Variants in C1orf87 observed in about 807,000 individuals in gnomAD.
C1orf87 encodes the protein uncharacterized protein C1orf87.
Under a neutral mutation model 60.5 loss-of-function variants are expected in C1orf87, and 58 were observed. That is an observed-to-expected ratio of 0.96 (90% CI 0.78 to 1.19). The LOEUF (loss-of-function observed/expected upper bound fraction) is 1.19, where lower values mean the gene tolerates loss of function less well. Ranked by LOEUF, C1orf87 falls within the 50% of genes most tolerant of loss-of-function variation. The pLI is 0.00. For missense variants in C1orf87, 673 were observed against 638.6 expected (o/e 1.05, Z -0.58); for synonymous variants, 236 against 227.4 (o/e 1.04, Z -0.34).
At chr1:60,024,895 C>G (rs1645188320) in intron 8 of C1orf87, among the ~76,000 whole-genome samples, 1 of 152,174 alleles carries the variant, frequency 6.6e-6, no homozygotes. Flanking sequence ...TGGAAGTTTC[C>G]TGCTTTGTTT....
intron 3 of C1orf87, among the ~76,000 whole-genome samples, chr1:60,047,230 GT>G (rs199759307): frequency 1.3e-5 from 2 of 151,596 alleles, no homozygotes; most frequent in African/African-American, 2.4e-5. Flanking sequence ...TTTATTTACT[GT>G]TTTTTTTCAA....
At chr1:60,061,981 C>T (rs1645500552) in intron 2 of C1orf87, among the ~76,000 whole-genome samples, 1 of 151,968 alleles carries the variant, frequency 6.6e-6, no homozygotes, top group African/African-American at 2.4e-5. Context: ...TCTTATGATT[C>T]TAGGTGGTTT....
chr1:60,034,322 T>G (rs137983805), intron 6 of C1orf87, among the ~76,000 whole-genome samples: 81 of 152,366 alleles, frequency 5.3e-4, no homozygotes, highest in Admixed American at 1.0e-3. Flanking sequence ...ACTGATTTTA[T>G]GAAACTGGTT....
chr1:60,036,403 C>T (rs603566), intron 6 of C1orf87, among the ~76,000 whole-genome samples: 58,075 of 152,056 alleles, frequency 0.38, 11,470 homozygotes, highest in South Asian at 0.51. Context: ...AAACACTTAA[C>T]TCTAATGCCA....
At chr1:60,042,055 TCTTC>T in intron 3 of C1orf87, among the ~76,000 whole-genome samples, 1 of 152,130 alleles carries the variant, frequency 6.6e-6, no homozygotes, top group Non-Finnish European at 1.5e-5. Context: ...TGCTCCTCCT[TCTTC>T]CTTCTTGAGG....
chr1:60,001,225 A>T (rs1574293894), intron 9 of C1orf87, 69 bp from the exon 10 acceptor site: 1 of 1,073,960 alleles, frequency 9.3e-7, no homozygotes, highest in East Asian at 2.8e-5. Context: ...ACACATATAC[A>T]CAAGGCAACA....
chr1:60,011,178 G>A (rs1336468922), intron 8 of C1orf87, among the ~76,000 whole-genome samples: 2 of 152,066 alleles, frequency 1.3e-5, no homozygotes, highest in Non-Finnish European at 2.9e-5. Context: ...GTCTGCAAGA[G>A]ACAACCAGGT....
intron 11 of C1orf87, among the ~76,000 whole-genome samples, chr1:59,994,052 C>A (rs1644946426): frequency 1.3e-5 from 2 of 152,250 alleles, no homozygotes; most frequent in South Asian, 2.1e-4. Flanking sequence ...AGCCACTGCA[C>A]CCCACCATAA....
intron 5 of C1orf87, 101 bp from the exon 6 acceptor site, chr1:60,038,208 A>G (rs1645292117): frequency 3.6e-6 from 2 of 549,766 alleles, no homozygotes; most frequent in Non-Finnish European, 6.2e-6. Flanking sequence ...ACCATCAAAC[A>G]TTTAAAAAAA....
At chr1:60,015,085 T>C (rs937010788) in intron 8 of C1orf87, among the ~76,000 whole-genome samples, 4 of 152,310 alleles carry the variant, frequency 2.6e-5, no homozygotes, top group African/African-American at 7.2e-5. Context: ...ATTAGTTTGC[T>C]GGGGCTGTGT....
At chr1:60,053,079 G>A (rs1574323640) in intron 3 of C1orf87, among the ~76,000 whole-genome samples, 2 of 152,352 alleles carry the variant, frequency 1.3e-5, no homozygotes, top group Admixed American at 1.3e-4. Flanking sequence ...GTTAAGAACA[G>A]CTTACCTAAT....
chr1:60,000,643 G>A lies in C1orf87; in HGVS notation c.1272+434C>T, dbSNP rs973778612. 2.0e-5 allele frequency among the ~76,000 whole-genome samples: 3 copies of A among 151,934 alleles called. No homozygotes were observed. In the East Asian group the frequency reaches 5.8e-4, roughly 29 times the overall value. ...TTTCTTTCTTTCTTCTTTTTAATCA[G>A]AGAGGCTATTACATTTTAAAATGTG... On this transcript the variant is annotated intron_variant, in intron 10 of 11. Coordinates refer to ENST00000371201, the MANE Select transcript of C1orf87 (RefSeq NM_152377.3).
chr1:60,007,898 T>TAGGAA (rs1458648935), intron 9 of C1orf87, among the ~76,000 whole-genome samples: 56 of 152,012 alleles, frequency 3.7e-4, no homozygotes, highest in African/African-American at 1.2e-3. Flanking sequence ...AGAGAGGTCC[T>TAGGAA]AGGAAAGAGA....
At position 60,001,119 on chromosome 1, in the gene C1orf87, C is replaced by T; in HGVS notation, c.1230G>A (p.Glu410=). The change falls in exon 10 of 12, where the codon GAG becomes GAA. Residue 410 remains glutamate (E), a synonymous_variant. Transcript: ENST00000371201. ...NEKKAPAPPM[E]PEVPEMSQSK... ...TTTGAGACATCTCGGGGACTTCAGGCTCCATTGGAGGGGCAGGGGCTTTCT... is the reference window on the plus strand; with the variant it reads ...TTTGAGACATCTCGGGGACTTCAGGTTCCATTGGAGGGGCAGGGGCTTTCT... The T allele has an allele frequency of 6.2e-7, 1 of 1,605,186 alleles. No homozygotes were observed. The highest frequency in any genetic ancestry group is 8.5e-7 in the Non-Finnish European group (1 of 1,175,908).
chr1:60,033,676 G>A lies in C1orf87; in HGVS notation c.864-35C>T, dbSNP rs781778718. On this transcript the variant is annotated intron_variant, in intron 6 of 11. Coordinates refer to ENST00000371201, the MANE Select transcript of C1orf87 (RefSeq NM_152377.3). ...GGGGAAATGGGGAAGGCTATGAAAA[G>A]GTTATCCACCCAAGGCAGCTGCATG... 12 of 1,598,202 alleles carry A rather than the reference G, an allele frequency of 7.5e-6. No homozygotes were observed. In the East Asian group the frequency reaches 1.8e-4, roughly 24 times the overall value.
chr1:59,993,948 G>A (rs923491350), intron 11 of C1orf87, among the ~76,000 whole-genome samples: 5 of 151,784 alleles, frequency 3.3e-5, no homozygotes, highest in African/African-American at 7.3e-5. Context: ...TAGTAGAAAC[G>A]GGGTTTCACC....
At chr1:60,015,347 T>G (rs562556118) in intron 8 of C1orf87, among the ~76,000 whole-genome samples, 2 of 152,210 alleles carry the variant, frequency 1.3e-5, no homozygotes, top group African/African-American at 4.8e-5. Context: ...TCTGTCTTGA[T>G]CTTGGACTTC....
rs750864314 is a variant in C1orf87 at position 60,055,402 on chromosome 1, T to C, written c.144A>G (p.Thr48=). The C allele has an allele frequency of 6.2e-7, 1 of 1,614,040 alleles. No individual in the cohort carries two copies. Among genetic ancestry groups the C allele is most frequent in the African/African-American group, 1.3e-5 (1 of 74,920 alleles). ...ENDSLKTETQ[T]MHQKPMTDNA... is the part of the protein sequence containing the mutation. ...TATCAGTCATTGGTTTCTGGTGCAT[T>C]GTTTGGGTTTCTGTTTTCAAGCTGT... Residue 48 remains threonine (T), a synonymous_variant, in exon 3 of 12, where the codon ACA becomes ACG. Transcript: ENST00000371201.
intron 3 of C1orf87, among the ~76,000 whole-genome samples, chr1:60,053,667 G>C (rs555464340): frequency 6.6e-6 from 1 of 152,044 alleles, no homozygotes; most frequent in South Asian, 2.1e-4. Context: ...GGAAAAAAGA[G>C]GAAGAAAGGA....
Sources: gnomAD v4.1 joint callset for allele counts (sites outside exome capture counted in the v4.1 genomes callset) on GRCh38, gnomAD v4.1.1 for gene constraint, MANE v1.5 for transcripts, NCBI Gene and HGNC (gene_info 2026-07-23, HGNC 2026-07-21) for gene names.